RGL1: variants seen among roughly 807,000 people sequenced by gnomAD.
RGL1 encodes ral guanine nucleotide dissociation stimulator like 1, also known as ral guanine nucleotide dissociation stimulator-like 1.
In RGL1, 24 loss-of-function variants were observed where a neutral mutation model predicts 95.2. The observed-to-expected ratio is 0.25, with a 90% confidence interval of 0.18 to 0.35. The LOEUF (loss-of-function observed/expected upper bound fraction) is 0.35. Ranked by LOEUF, RGL1 falls within the 10% of genes least tolerant of loss-of-function variation. The pLI is 1.00. For synonymous variants in RGL1, 329 were observed against 344.9 expected (o/e 0.95, Z 0.51); for missense variants, 715 against 936.3 (o/e 0.76, Z 3.08).
At chr1:183,644,096 C>T (rs1650126538) in intron 1 of RGL1, among the ~76,000 whole-genome samples, 1 of 152,134 alleles carries the variant, frequency 6.6e-6, no homozygotes, top group South Asian at 2.1e-4. Flanking sequence ...AGCAGAATGA[C>T]AGAAAAGCTA....
At chr1:183,761,153 T>C (rs186471613) in intron 2 of RGL1, among the ~76,000 whole-genome samples, 8 of 152,370 alleles carry the variant, frequency 5.3e-5, no homozygotes, top group African/African-American at 1.7e-4. Context: ...TGAATGTTCT[T>C]AATGACATCT....
At chr1:183,888,305 T>A (rs966213537) in intron 7 of RGL1, among the ~76,000 whole-genome samples, 169 bp from the exon 8 acceptor site, 3 of 152,196 alleles carry the variant, frequency 2.0e-5, no homozygotes, top group Admixed American at 1.3e-4. Context: ...AGTGTTTCGA[T>A]GACTGGGGTG....
chr1:183,637,187 A>C (rs1223038963), intron 1 of RGL1, among the ~76,000 whole-genome samples: 3 of 152,252 alleles, frequency 2.0e-5, no homozygotes, highest in Non-Finnish European at 2.9e-5. Flanking sequence ...AGTGTTTCCA[A>C]GCTCTAAAAT....
chr1:183,705,737 A>G (rs1405991417), intron 1 of RGL1, among the ~76,000 whole-genome samples: 1 of 152,208 alleles, frequency 6.6e-6, no homozygotes, highest in East Asian at 1.9e-4. Flanking sequence ...TGGACATACT[A>G]GGGGTATGGC....
intron 16 of RGL1, among the ~76,000 whole-genome samples, chr1:183,918,616 C>T (rs746459537): frequency 5.3e-5 from 8 of 152,184 alleles, no homozygotes; most frequent in Non-Finnish European, 1.0e-4. Flanking sequence ...GGAGGAGTCA[C>T]AGGTTGTGCA....
intron 1 of RGL1, among the ~76,000 whole-genome samples, chr1:183,716,279 A>G (rs16861502): frequency 0.18 from 27,275 of 152,198 alleles, 3,366 homozygotes; most frequent in African/African-American, 0.35. Context: ...AAACACAGAT[A>G]AAAACTGTAT....
chr1:183,906,222 A>G (rs1391710187), intron 13 of RGL1, among the ~76,000 whole-genome samples: 2 of 152,228 alleles, frequency 1.3e-5, no homozygotes, highest in East Asian at 3.8e-4. Flanking sequence ...AGATGGCTGT[A>G]TAATGTTGGG....
At position 183,805,971 on chromosome 1, in the gene RGL1, CTTTTTTTTTTTTTTTTTTTT is replaced by C. The variant is rs751229707; in HGVS notation, c.28-383_28-364del. Among the ~76,000 whole-genome samples, 63 of 74,650 alleles carry C rather than the reference CTTTTTTTTTTTTTTTTTTTT, an allele frequency of 8.4e-4. 1 individual carries two copies. Among genetic ancestry groups the C allele is most frequent in the Admixed American group, 2.3e-3 (15 of 6,398 alleles). The allele number at this position is 74,650 out of a possible 152,430, so 49.0% of individuals were successfully genotyped here. ...TTTCTTTTTCTTTTTCTTTTCTTTTCTTTTTTTTTTTTTTTTTTTTTTTTTTTTTTTTTTTTTTTTACAAA... is the reference window on the plus strand; with the variant it reads ...TTTCTTTTTCTTTTTCTTTTCTTTTCTTTTTTTTTTTTTTTTTTTTACAAA... On this transcript the variant is annotated intron_variant, in intron 1 of 17. Transcript: ENST00000360851.
intron 4 of RGL1, among the ~76,000 whole-genome samples, chr1:183,874,809 G>A (rs921262786): frequency 6.6e-6 from 1 of 152,154 alleles, no homozygotes; most frequent in Non-Finnish European, 1.5e-5. Context: ...TTCTCATCAG[G>A]AAAATCATCT....
At chr1:183,880,249 A>G (rs1012789333) in intron 4 of RGL1, among the ~76,000 whole-genome samples, 1 of 152,134 alleles carries the variant, frequency 6.6e-6, no homozygotes, top group Non-Finnish European at 1.5e-5. Flanking sequence ...TGTGGGATTT[A>G]ATTTGAGCAT....
At chr1:183,821,902 T>C (rs1662514830) in intron 2 of RGL1, among the ~76,000 whole-genome samples, 2 of 152,218 alleles carry the variant, frequency 1.3e-5, no homozygotes, top group Non-Finnish European at 2.9e-5. Flanking sequence ...ACAGGGTTCC[T>C]TGTGACCCTC....
At chr1:183,786,073 TTCAA>T (rs1329086161) in intron 2 of RGL1, among the ~76,000 whole-genome samples, 1 of 151,404 alleles carries the variant, frequency 6.6e-6, no homozygotes, top group Non-Finnish European at 1.5e-5. Flanking sequence ...GCCAGACCCT[TTCAA>T]TCAATCAATC....
intron 1 of RGL1, 31 bp downstream of exon 1, chr1:183,805,355 C>A: frequency 6.3e-7 from 1 of 1,585,506 alleles, no homozygotes; most frequent in South Asian, 1.1e-5. Context: ...TCTCCCGAGG[C>A]TTCTCTGGTG....
chr1:183,896,256 G>A (rs768072294), intron 9 of RGL1, among the ~76,000 whole-genome samples: 1 of 152,168 alleles, frequency 6.6e-6, no homozygotes, highest in Non-Finnish European at 1.5e-5. Context: ...TCACTATGTT[G>A]CTCAAGTTGG....
chr1:183,684,862 C>T (rs924716432), intron 1 of RGL1, among the ~76,000 whole-genome samples: 10 of 152,210 alleles, frequency 6.6e-5, no homozygotes, highest in African/African-American at 2.4e-4. Flanking sequence ...ATCACTTGTG[C>T]TTCCTGGTTG....
intron 1 of RGL1, among the ~76,000 whole-genome samples, chr1:183,668,492 A>C (rs1652197633): frequency 6.6e-6 from 1 of 151,982 alleles, no homozygotes; most frequent in Non-Finnish European, 1.5e-5. Flanking sequence ...TTTAAGAGAT[A>C]GTGTCTCCCT....
chr1:183,871,821 T>C (rs932108368), intron 4 of RGL1, among the ~76,000 whole-genome samples: 1 of 152,228 alleles, frequency 6.6e-6, no homozygotes, highest in Non-Finnish European at 1.5e-5. Flanking sequence ...GGAGTACTTG[T>C]AATTCCAGTC....
intron 3 of RGL1, among the ~76,000 whole-genome samples, chr1:183,860,941 C>T (rs1479046705): frequency 6.6e-6 from 1 of 152,106 alleles, no homozygotes; most frequent in Non-Finnish European, 1.5e-5. Flanking sequence ...CTCACCATAG[C>T]TTGTATGGTA....
intron 1 of RGL1, among the ~76,000 whole-genome samples, chr1:183,732,075 C>A (rs1483533654): frequency 6.6e-6 from 1 of 152,136 alleles, no homozygotes; most frequent in Non-Finnish European, 1.5e-5. Flanking sequence ...AAGGAAACTA[C>A]ACGTCATGTC....
Sources: allele counts gnomAD v4.1 joint callset (sites outside exome capture counted in the v4.1 genomes callset), GRCh38; gene constraint gnomAD v4.1.1; transcripts MANE v1.5; gene names NCBI Gene and HGNC (gene_info 2026-07-23, HGNC 2026-07-21).